RORA: variants seen among roughly 807,000 people sequenced by gnomAD.
RORA encodes the protein nuclear receptor ROR-alpha.
In RORA, 7 loss-of-function variants were observed where a neutral mutation model predicts 69.5. That is an observed-to-expected ratio of 0.10 (90% CI 0.06 to 0.19). The LOEUF (loss-of-function observed/expected upper bound fraction) is 0.19, where lower values mean the gene tolerates loss of function less well. Among genes scored for constraint, RORA ranks in the 10% least tolerant of loss-of-function variants. The pLI, the probability that RORA is intolerant of heterozygous loss-of-function variation, is 1.00. For synonymous variants in RORA, 261 were observed against 240.8 expected (o/e 1.08, Z -0.78); for missense variants, 457 against 663.0 (o/e 0.69, Z 3.41).
intron 1 of RORA, among the ~76,000 whole-genome samples, chr15:61,221,948 T>A (rs1363104931): frequency 1.4e-5 from 2 of 147,264 alleles, no homozygotes; most frequent in Middle Eastern, 3.5e-3. Context: ...CTTGAGCCCA[T>A]CTCTTTAAGA....
chr15:60,601,890 T>C (rs1008765462), intron 2 of RORA, among the ~76,000 whole-genome samples: 1 of 152,132 alleles, frequency 6.6e-6, no homozygotes, highest in Admixed American at 6.5e-5. Flanking sequence ...ACAACACATC[T>C]TAAGTAAAAT....
chr15:60,766,671 C>CTT (rs35501090), intron 1 of RORA, among the ~76,000 whole-genome samples: 1 of 147,944 alleles, frequency 6.8e-6, no homozygotes. Flanking sequence ...ACAGACTGCA[C>CTT]TTTTTTTTTT....
intron 2 of RORA, among the ~76,000 whole-genome samples, chr15:60,645,154 A>C (rs563267377): frequency 1.3e-4 from 20 of 152,180 alleles, no homozygotes; most frequent in African/African-American, 4.6e-4. Context: ...ATTCCATGAT[A>C]AGCTATGACC....
At chr15:61,081,528 C>T (rs894957566) in intron 1 of RORA, among the ~76,000 whole-genome samples, 6 of 152,098 alleles carry the variant, frequency 3.9e-5, no homozygotes, top group Non-Finnish European at 7.3e-5. Flanking sequence ...CTAAGTGGGG[C>T]CAGGCATGGT....
intron 1 of RORA, among the ~76,000 whole-genome samples, chr15:60,931,091 T>C (rs1329269722): frequency 6.6e-6 from 1 of 152,162 alleles, no homozygotes; most frequent in Non-Finnish European, 1.5e-5. Context: ...GAAGAGTGAC[T>C]GGTCCAGGGT....
chr15:60,899,301 C>T (rs527264194), intron 1 of RORA, among the ~76,000 whole-genome samples: 36 of 152,154 alleles, frequency 2.4e-4, no homozygotes, highest in Non-Finnish European at 4.6e-4. Context: ...GCTACCTGGG[C>T]ATGTCAAAAG....
intron 1 of RORA, among the ~76,000 whole-genome samples, chr15:61,002,993 A>AT (rs1264859824): frequency 2.7e-5 from 4 of 150,658 alleles, no homozygotes; most frequent in Non-Finnish European, 5.9e-5. Context: ...AAAAAAAAAA[A>AT]ATTAGCCAGG....
intron 1 of RORA, among the ~76,000 whole-genome samples, chr15:60,737,285 G>C (rs2071514206): frequency 6.6e-6 from 1 of 152,188 alleles, no homozygotes; most frequent in African/African-American, 2.4e-5. Flanking sequence ...CTATTTCCAG[G>C]AAAGGAAGTT....
chr15:60,666,061 T>A (rs1213120987), intron 2 of RORA, among the ~76,000 whole-genome samples: 1 of 152,146 alleles, frequency 6.6e-6, no homozygotes, highest in Non-Finnish European at 1.5e-5. Context: ...TAAAATTGTG[T>A]ATGTATACAC....
intron 1 of RORA, among the ~76,000 whole-genome samples, chr15:61,028,816 T>C (rs1003522504): frequency 1.3e-5 from 2 of 152,226 alleles, no homozygotes; most frequent in African/African-American, 4.8e-5. Context: ...AATGAAGTAC[T>C]GATTCACGCT....
At chr15:60,836,555 C>T (rs964538091) in intron 1 of RORA, among the ~76,000 whole-genome samples, 1 of 152,160 alleles carries the variant, frequency 6.6e-6, no homozygotes, top group Non-Finnish European at 1.5e-5. Context: ...CTAAGCAGAG[C>T]TCTCCCTGGG....
chr15:60,709,113 A>T (rs1388027727), intron 1 of RORA, among the ~76,000 whole-genome samples: 1 of 152,122 alleles, frequency 6.6e-6, no homozygotes, highest in East Asian at 1.9e-4. Flanking sequence ...ACATCCCAAA[A>T]CTTATATCAG....
chr15:61,043,011 G>A (rs1346596383), intron 1 of RORA, among the ~76,000 whole-genome samples: 1 of 152,196 alleles, frequency 6.6e-6, no homozygotes, highest in Non-Finnish European at 1.5e-5. Context: ...GTCAGACACA[G>A]ACAGCAGGCT....
At chr15:61,036,895 T>C (rs1018536688) in intron 1 of RORA, among the ~76,000 whole-genome samples, 11 of 151,572 alleles carry the variant, frequency 7.3e-5, no homozygotes, top group Non-Finnish European at 1.3e-4. Context: ...TTGGTGCAGA[T>C]TTGCTGGCCT....
intron 1 of RORA, among the ~76,000 whole-genome samples, chr15:61,138,225 GT>G: frequency 6.6e-6 from 1 of 151,968 alleles, no homozygotes; most frequent in East Asian, 1.9e-4. Context: ...ATTCATTTGG[GT>G]TTTTAAATTA....
At chr15:61,160,070 C>T (rs933881640) in intron 1 of RORA, among the ~76,000 whole-genome samples, 11 of 152,282 alleles carry the variant, frequency 7.2e-5, no homozygotes, top group Middle Eastern at 3.4e-3. Context: ...TGCAAATAAA[C>T]ACCTACATCA....
chr15:61,120,023 A>G (rs1479454563), intron 1 of RORA, among the ~76,000 whole-genome samples: 4 of 152,192 alleles, frequency 2.6e-5, no homozygotes, highest in African/African-American at 4.8e-5. Context: ...GGATAAAAAC[A>G]CACAGTACGT....
At chr15:61,165,606 G>T (rs191306974) in intron 1 of RORA, among the ~76,000 whole-genome samples, 1 of 152,148 alleles carries the variant, frequency 6.6e-6, no homozygotes, top group Non-Finnish European at 1.5e-5. Context: ...GGAGAGCTGG[G>T]GTCCCACCAA....
At chr15:60,840,409 G>A (rs2073180072) in intron 1 of RORA, among the ~76,000 whole-genome samples, 1 of 152,244 alleles carries the variant, frequency 6.6e-6, no homozygotes, top group South Asian at 2.1e-4. Flanking sequence ...GGCAAGATTT[G>A]ATTCAGATCT....
Sources: gnomAD v4.1 joint callset for allele counts (sites outside exome capture counted in the v4.1 genomes callset) on GRCh38, gnomAD v4.1.1 for gene constraint, MANE v1.5 for transcripts, NCBI Gene and HGNC (gene_info 2026-07-23, HGNC 2026-07-21) for gene names.